C13orf42: variants seen among roughly 807,000 people sequenced by gnomAD.
The protein encoded by C13orf42 is uncharacterized protein C13orf42.
intron 1 of C13orf42, among the ~76,000 whole-genome samples, chr13:51,090,847 T>A (rs1375641321): frequency 6.6e-6 from 1 of 152,170 alleles, no homozygotes; most frequent in Non-Finnish European, 1.5e-5. Context: ...TCTCCTCAAG[T>A]ATTATCCTCT....
intron 1 of C13orf42, among the ~76,000 whole-genome samples, chr13:51,156,589 T>G (rs996010319): frequency 4.6e-5 from 7 of 152,198 alleles, no homozygotes; most frequent in Admixed American, 3.9e-4. Flanking sequence ...CACCCCTTAC[T>G]TGTTATAAGG....
At chr13:51,143,310 T>A (rs1321676642) in intron 1 of C13orf42, among the ~76,000 whole-genome samples, 4 of 152,146 alleles carry the variant, frequency 2.6e-5, no homozygotes, top group Admixed American at 1.3e-4. Flanking sequence ...CGCATAAGAT[T>A]GTAAGGGCCC....
intron 1 of C13orf42, among the ~76,000 whole-genome samples, chr13:51,156,177 G>A (rs777720943): frequency 2.1e-4 from 32 of 152,166 alleles, no homozygotes; most frequent in South Asian, 6.2e-4. Flanking sequence ...CCTAGGATTC[G>A]GGGCTATGTT....
rs77781223 is a variant in C13orf42 at position 51,124,617 on chromosome 13, G to C, written n.137-11395C>G. 5.4e-3 allele frequency among the ~76,000 whole-genome samples: 819 copies of C among 152,302 alleles called. 6 individuals are homozygous for C. Among genetic ancestry groups the C allele is most frequent in the African/African-American group, 0.019 (770 of 41,560 alleles). On this transcript the variant is annotated intron_variant and non_coding_transcript_variant, in intron 1 of 4. Transcript: ENST00000433280. ...TGCCTAAGCTTTGGAAGACAGTGAA[G>C]AGAGGCAATCCTCCTCAGGTCATGG...
At chr13:51,108,665 C>A (rs193029522) in intron 1 of C13orf42, among the ~76,000 whole-genome samples, 59 of 152,356 alleles carry the variant, frequency 3.9e-4, no homozygotes, top group African/African-American at 1.4e-3. Context: ...CTACTCCTCA[C>A]ATTATCATTT....
Position 51,085,184 on chromosome 13 carries a change from A to AATATATATATATATATATAT in C13orf42, c.803+115_803+134dup, listed in dbSNP as rs57050801. 8.4e-5 allele frequency: 16 copies of AATATATATATATATATATAT among 190,550 alleles called. 1 individual carries two copies. Among genetic ancestry groups the AATATATATATATATATATAT allele is most frequent in the Middle Eastern group, 2.1e-3 (1 of 468 alleles). The allele number at this position is 190,550 out of a possible 1,614,324, so 11.8% of individuals were successfully genotyped here. A position where few individuals can be genotyped will look rare whatever the true frequency, so the allele number is the denominator to read the frequency against. On this transcript the variant is annotated intron_variant, in intron 3 of 3. Transcript: ENST00000563710. ...GACCTCACCACCACCAGCAACAACA[A>AATATATATATATATATATAT]ATATATATATATATATATATATATA...
Position 51,153,630 on chromosome 13 carries a change from C to CTTTTTTTTTTTTTTTTTT in C13orf42, n.136+18605_136+18622dup, listed in dbSNP as rs1206289963. Among the ~76,000 whole-genome samples, 27 of 81,250 alleles carry CTTTTTTTTTTTTTTTTTT rather than the reference C, an allele frequency of 3.3e-4. 1 individual carries two copies. The highest frequency in any genetic ancestry group is 4.3e-4 in the South Asian group (1 of 2,312). 53.3% of individuals were successfully genotyped at this position (81,250 alleles called of 152,430 possible). A position where few individuals can be genotyped will look rare whatever the true frequency, so the allele number is the denominator to read the frequency against. The stretch of plus-strand genomic sequence containing the variant: ...CATTTTCTTGCTTTCTGTTTTTTTT[C>CTTTTTTTTTTTTTTTTTT]TTTTTTTTTTTTTTTTTTTTTTTTT... On this transcript the variant is annotated intron_variant and non_coding_transcript_variant, in intron 1 of 4. Transcript: ENST00000433280.
intron 1 of C13orf42, among the ~76,000 whole-genome samples, chr13:51,121,705 T>G (rs1953537121): frequency 6.6e-6 from 1 of 152,040 alleles, no homozygotes; most frequent in African/African-American, 2.4e-5. Context: ...CTGGCTAATT[T>G]TTTGTATTTT....
intron 1 of C13orf42, among the ~76,000 whole-genome samples, chr13:51,154,987 A>G (rs6561620): frequency 1.3e-5 from 2 of 151,966 alleles, no homozygotes; most frequent in Admixed American, 6.5e-5. Flanking sequence ...TCTTAGGTAG[A>G]ACGTTTTATC....
At chr13:51,128,453 G>A (rs1953591925) in intron 1 of C13orf42, among the ~76,000 whole-genome samples, 1 of 152,140 alleles carries the variant, frequency 6.6e-6, no homozygotes, top group South Asian at 2.1e-4. Context: ...TAAGTGGGGT[G>A]CATATACCTG....
At chr13:51,151,098 G>A (rs558966221) in intron 1 of C13orf42, among the ~76,000 whole-genome samples, 3 of 152,168 alleles carry the variant, frequency 2.0e-5, no homozygotes, top group South Asian at 2.1e-4. Context: ...CCCTAAAGAC[G>A]TCCACACATG....
At chr13:51,095,130 G>T (rs1329422589) in intron 1 of C13orf42, among the ~76,000 whole-genome samples, 1 of 152,156 alleles carries the variant, frequency 6.6e-6, no homozygotes, top group Non-Finnish European at 1.5e-5. Context: ...CCAGTCTTAG[G>T]TATGTCTTCA....
At chr13:51,153,630 C>CTTTTTTTTTTTTTTTTTTTTTTT (rs1206289963) in intron 1 of C13orf42, among the ~76,000 whole-genome samples, 7 of 81,246 alleles carry the variant, frequency 8.6e-5, no homozygotes, top group Non-Finnish European at 1.4e-4. Context: ...TGTTTTTTTT[C>CTTTTTTTTTTTTTTTTTTTTTTT]TTTTTTTTTT....
chr13:51,095,990 G>A (rs1953230850), intron 1 of C13orf42, among the ~76,000 whole-genome samples: 2 of 152,084 alleles, frequency 1.3e-5, no homozygotes, highest in Non-Finnish European at 2.9e-5. Context: ...GCCTGCAAAT[G>A]GTCTTTCCTT....
Position 51,146,421 on chromosome 13 carries a change from C to T in C13orf42, n.136+25832G>A, listed in dbSNP as rs116852916. Among the ~76,000 whole-genome samples, 69 of 152,254 alleles carry T rather than the reference C, an allele frequency of 4.5e-4. No individual in the cohort carries two copies. In the East Asian group the frequency reaches 0.011, roughly 25 times the overall value. Reference sequence around the variant, plus strand: ...CTTCTTGCTGTGAACCTCGAATATCCGAGACAGCTGTCAATCAGTTTAAGA... The same window carrying T: ...CTTCTTGCTGTGAACCTCGAATATCTGAGACAGCTGTCAATCAGTTTAAGA... On this transcript the variant is annotated intron_variant and non_coding_transcript_variant, in intron 1 of 4. Coordinates refer to the C13orf42 transcript ENST00000433280.
intron 1 of C13orf42, among the ~76,000 whole-genome samples, chr13:51,117,569 C>T (rs751135806): frequency 5.3e-5 from 8 of 152,138 alleles, no homozygotes; most frequent in Admixed American, 1.3e-4. Flanking sequence ...AATTTCCAAA[C>T]CCAAGGTAGA....
chr13:51,141,479 T>C (rs1043087116), intron 1 of C13orf42, among the ~76,000 whole-genome samples: 9 of 152,060 alleles, frequency 5.9e-5, no homozygotes, highest in Admixed American at 1.3e-4. Flanking sequence ...TAAATATATA[T>C]AAAAGAGCTC....
intron 1 of C13orf42, among the ~76,000 whole-genome samples, chr13:51,126,580 A>G (rs998447651): frequency 1.3e-5 from 2 of 152,218 alleles, no homozygotes; most frequent in Non-Finnish European, 2.9e-5. Flanking sequence ...CTTTATTTGC[A>G]AACAGGATGT....
chr13:51,164,644 T>C (rs1263694344), intron 1 of C13orf42, among the ~76,000 whole-genome samples: 2 of 152,164 alleles, frequency 1.3e-5, no homozygotes, highest in African/African-American at 4.8e-5. Flanking sequence ...TGGGTGACAA[T>C]GCAAGACCCT....
Sources: allele counts gnomAD v4.1 joint callset (sites outside exome capture counted in the v4.1 genomes callset), GRCh38; gene constraint gnomAD v4.1.1; transcripts MANE v1.5; gene names NCBI Gene and HGNC (gene_info 2026-07-23, HGNC 2026-07-21).